The following GPAA1 variants were observed in gnomAD, a reference collection of about 807,000 sequenced individuals.
GPAA1 encodes GPI-anchor transamidase component GPAA1.
In GPAA1, 54 loss-of-function variants were observed where a neutral mutation model predicts 64.0. The observed-to-expected ratio is 0.84, with a 90% confidence interval of 0.68 to 1.06. GPAA1 has a LOEUF of 1.06. GPAA1 is among the 50% of genes least tolerant of loss of function. The pLI is 0.00. For missense variants in GPAA1, 780 were observed against 822.3 expected (o/e 0.95, Z 0.63); for synonymous variants, 393 against 377.3 (o/e 1.04, Z -0.48).
rs180925747 is a variant in GPAA1, at chr8:144,084,448, G to A, written c.849G>A (p.Pro283=). 6.9e-4 allele frequency: 1,119 copies of A among 1,612,638 alleles called. 23 individuals are homozygous for A. In the South Asian group the frequency reaches 9.5e-3, roughly 14 times the overall value. Residue 283 remains proline (P), a synonymous_variant, in exon 7 of 12, where the codon CCG becomes CCA. Transcript: ENST00000355091. ...QPEDWTSLDG[P]LQGLQTLLLM... is the part of the protein sequence containing the mutation. The stretch of plus-strand genomic sequence containing the variant: ...AGGACTGGACATCATTGGATGGACC[G>A]CTGCAGGGCCTGCAGACACTGCTGC...
At position 144,086,204 on chromosome 8, in the gene GPAA1, GT is replaced by G; in HGVS notation, c.*82del. The G allele has an allele frequency of 6.7e-7, 1 of 1,482,364 alleles. No individual in the cohort carries two copies. The highest frequency in any genetic ancestry group is 9.2e-7 in the Non-Finnish European group (1 of 1,085,558). 91.8% of individuals were successfully genotyped at this position (1,482,364 alleles called of 1,614,324 possible). Reference sequence around the variant, plus strand: ...CTTCTGGGGAAATAAATGAGTGTCTGTTTCAGCAGCTATTTGAGCTCCTGGC... The same window carrying G: ...CTTCTGGGGAAATAAATGAGTGTCTGTTCAGCAGCTATTTGAGCTCCTGGC... On this transcript the variant is annotated 3_prime_UTR_variant, in exon 12 of 12. Transcript: ENST00000355091.
Position 144,084,127 on chromosome 8 carries a change from C to G in GPAA1, c.617-7C>G, listed in dbSNP as rs994405110. ...CTCCATTAGCACTCATTCACTTGCT[C>G]CTACAGGCATGCAGTCGTCTCCCCT... On this transcript the variant is annotated splice_polypyrimidine_tract_variant and splice_region_variant and intron_variant, in intron 5 of 11. Transcript: ENST00000355091. The G allele has an allele frequency of 2.5e-6, 4 of 1,613,396 alleles. No homozygotes were observed. The highest frequency in any genetic ancestry group is 4.5e-5 in the East Asian group (2 of 44,890).
Position 144,083,378 on chromosome 8 carries a change from C to G in GPAA1, c.255-11C>G. 1.2e-6 allele frequency: 2 copies of G among 1,612,648 alleles called. No individual in the cohort carries two copies. Among genetic ancestry groups the G allele is most frequent in the Non-Finnish European group, 1.7e-6 (2 of 1,179,092 alleles). ...GGGAGCTCTGCTCAGAGGCTCCCTTCGTGTCTGCAGGGCTCTGCCAGTGGC... is the reference window on the plus strand; with the variant it reads ...GGGAGCTCTGCTCAGAGGCTCCCTTGGTGTCTGCAGGGCTCTGCCAGTGGC... On this transcript the variant is annotated splice_polypyrimidine_tract_variant and intron_variant, in intron 2 of 11. Transcript: ENST00000355091.
chr8:144,082,814 G>C lies in GPAA1; in HGVS notation c.74+10G>C. ...TCAACGCGCCGTTGTGGTGAGGACA[G>C]GGCCCGGGGAGGCGGGGACCCGAGG... On this transcript the variant is annotated intron_variant, in intron 1 of 11. Coordinates refer to ENST00000355091, the MANE Select transcript of GPAA1 (RefSeq NM_003801.4). The C allele has an allele frequency of 7.1e-7, 1 of 1,417,182 alleles. No individual in the cohort carries two copies. Among genetic ancestry groups the C allele is most frequent in the Non-Finnish European group, 9.2e-7 (1 of 1,092,046 alleles). The allele number at this position is 1,417,182 out of a possible 1,614,324, so 87.8% of individuals were successfully genotyped here. A position where few individuals can be genotyped will look rare whatever the true frequency, so the allele number is the denominator to read the frequency against.
chr8:144,084,437 T>G lies in GPAA1; in HGVS notation c.838T>G (p.Leu280Val). 6.2e-7 allele frequency: 1 copy of G among 1,612,734 alleles called. No individual in the cohort carries two copies. Among genetic ancestry groups the G allele is most frequent in the Non-Finnish European group, 8.5e-7 (1 of 1,179,856 alleles). The change falls in exon 7 of 12, where the codon TTG (leucine) becomes GTG (valine). Residue 280 changes from leucine (L) to valine (V), a missense_variant. Transcript: ENST00000355091. Reference sequence around the variant, plus strand: ...GCTGCAGCCCGAGGACTGGACATCATTGGATGGACCGCTGCAGGGCCTGCA... The same window carrying G: ...GCTGCAGCCCGAGGACTGGACATCAGTGGATGGACCGCTGCAGGGCCTGCA... ...GKLQPEDWTS[L>V]DGPLQGLQTL... is the part of the protein sequence containing the mutation.
chr8:144,083,628 C>T lies in GPAA1; in HGVS notation c.367-86C>T, dbSNP rs186055773. 6.6e-5 allele frequency: 97 copies of T among 1,460,220 alleles called. 1 individual carries two copies. The African/African-American group carries it at 1.1e-3, about 17-fold the overall frequency. 90.5% of individuals were successfully genotyped at this position (1,460,220 alleles called of 1,614,324 possible). A position where few individuals can be genotyped will look rare whatever the true frequency, so the allele number is the denominator to read the frequency against. On this transcript the variant is annotated intron_variant, in intron 3 of 11. Coordinates refer to ENST00000355091, the MANE Select transcript of GPAA1 (RefSeq NM_003801.4). ...GTGGGAGGGAAATCCCTGGTGGGCA[C>T]TGGAGGGCTAGGAAAGTTGTGGGGG...
At position 144,083,410 on chromosome 8, in the gene GPAA1, T is replaced by C; in HGVS notation, c.276T>C (p.Leu92=). ...GCAGGGCTCTGCCAGTGGCCTGGCT[T>C]GAACGGACGATGCGGTCAGTAGGGC... ...KKSGALPVAW[L]ERTMRSVGLE... Residue 92 remains leucine (L), a synonymous_variant, in exon 3 of 12, where the codon CTT becomes CTC. Transcript: ENST00000355091. The C allele has an allele frequency of 6.2e-7, 1 of 1,613,766 alleles. No homozygotes were observed. Among genetic ancestry groups the C allele is most frequent in the Non-Finnish European group, 8.5e-7 (1 of 1,179,990 alleles).
Position 144,083,516 on chromosome 8 carries a change from G to A in GPAA1, c.366+16G>A, listed in dbSNP as rs1554763844. The A allele has an allele frequency of 1.3e-6, 2 of 1,585,384 alleles. No individual in the cohort carries two copies. Among genetic ancestry groups the A allele is most frequent in the South Asian group, 2.2e-5 (2 of 90,554 alleles). On this transcript the variant is annotated intron_variant, in intron 3 of 11. Transcript: ENST00000355091. ...CGAGCGCTATGTACTGGGGGAGTGG[G>A]GTGTGCCTGGGCCCAGAAAGCACCT... is the stretch of plus-strand genomic sequence containing the variant.
chr8:144,085,819 TC>T (rs1564305729), intron 11 of GPAA1, 62 bp from the exon 12 acceptor site: 2 of 1,599,880 alleles, frequency 1.3e-6, no homozygotes, highest in South Asian at 1.1e-5. Flanking sequence ...AGTAGCCCTT[TC>T]CCCCAACCTG....
chr8:144,085,241 G>C (rs1161191063), intron 9 of GPAA1, 48 bp from the exon 10 acceptor site: 1 of 1,532,060 alleles, frequency 6.5e-7, no homozygotes, highest in Non-Finnish European at 8.8e-7. Context: ...GGTCTTTGGG[G>C]ATCCCCTGGC....
intron 8 of GPAA1, 46 bp from the exon 9 acceptor site, chr8:144,084,997 G>A (rs1564305129): frequency 6.4e-7 from 1 of 1,572,402 alleles, no homozygotes; most frequent in Non-Finnish European, 8.7e-7. Context: ...GTCCCCCTCT[G>A]GGCAGATCCC....
Position 144,086,093 on chromosome 8 carries a change from C to A in GPAA1, c.1834C>A (p.Leu612Met), listed in dbSNP as rs1554764373. 6.2e-7 allele frequency: 1 copy of A among 1,613,490 alleles called. No individual in the cohort carries two copies. The highest frequency in any genetic ancestry group is 1.3e-5 in the African/African-American group (1 of 74,934). Residue 612 changes from leucine to methionine, a missense_variant, in exon 12 of 12, where the codon CTG (leucine) becomes ATG (methionine). By Grantham distance (15) the Leu-to-Met change is conservative. Coordinates refer to ENST00000355091, the MANE Select transcript of GPAA1 (RefSeq NM_003801.4). The part of the protein sequence containing the change: ...LLSLGLYPCW[L>M]LFWNVLFWK Reference sequence around the variant, plus strand: ...GTCCCTGGGCCTCTACCCCTGCTGGCTGCTTTTCTGGAATGTGCTCTTCTG... The same window carrying A: ...GTCCCTGGGCCTCTACCCCTGCTGGATGCTTTTCTGGAATGTGCTCTTCTG...
chr8:144,084,101 C>T (rs375267400), intron 5 of GPAA1, 33 bp from the exon 6 acceptor site: 40 of 1,610,434 alleles, frequency 2.5e-5, no homozygotes, highest in Non-Finnish European at 2.7e-5. Flanking sequence ...CTCACCACGT[C>T]CTCCATTAGC....
Position 144,084,890 on chromosome 8 carries a change from TTGCC to T in GPAA1, c.1164+16_1164+19del. The T allele has an allele frequency of 6.2e-7, 1 of 1,613,036 alleles. No homozygotes were observed. The stretch of plus-strand genomic sequence containing the variant: ...TTGGTCTCAAGATATCCTCTGCCCC[TTGCC>T]ATCTACCTGTGACCAGCCTCCAGTC... On this transcript the variant is annotated intron_variant, in intron 8 of 11. Transcript: ENST00000355091.
At chr8:144,085,816 C>G in intron 11 of GPAA1, 66 bp from the exon 12 acceptor site, 8 of 1,600,406 alleles carry the variant, frequency 5.0e-6, no homozygotes, top group South Asian at 1.1e-5. Context: ...TTCAGTAGCC[C>G]TTTCCCCCAA....
chr8:144,085,549 G>T (rs1331566241), intron 10 of GPAA1, 24 bp from the exon 11 acceptor site: 1 of 1,609,360 alleles, frequency 6.2e-7, no homozygotes, highest in African/African-American at 1.3e-5. Context: ...CTTGTGGGTT[G>T]CCTCTGAGTC....
Position 144,085,638 on chromosome 8 carries a change from T to C in GPAA1, c.1517T>C (p.Leu506Pro). 6.2e-7 allele frequency: 1 copy of C among 1,613,674 alleles called. No homozygotes were observed. The highest frequency in any genetic ancestry group is 8.5e-7 in the Non-Finnish European group (1 of 1,179,770). ...CTGAAGCTGGTAGCCCTGATCTACC[T>C]AGCACTGCAGCTGGGCTGCATCGCC... ...MALKLVALIY[L>P]ALQLGCIALT... The change falls in exon 11 of 12, where the codon CTA becomes CCA. Residue 506 changes from leucine (L) to proline (P), a missense_variant. Transcript: ENST00000355091.
Position 144,082,797 on chromosome 8 carries a change from C to A in GPAA1, c.67C>A (p.Pro23Thr). 1.4e-6 allele frequency: 2 copies of A among 1,464,964 alleles called. No individual in the cohort carries two copies. 90.7% of individuals were successfully genotyped at this position (1,464,964 alleles called of 1,614,324 possible). Residue 23 changes from proline to threonine, a missense_variant, in exon 1 of 12, where the codon CCG (proline) becomes ACG (threonine). Coordinates refer to ENST00000355091, the MANE Select transcript of GPAA1 (RefSeq NM_003801.4). ...LARLVLRLNA[P>T]LCVLSYVAGI... Reference sequence around the variant, plus strand: ...CCGCCTAGTGCTGCGCCTCAACGCGCCGTTGTGGTGAGGACAGGGCCCGGG... The same window carrying A: ...CCGCCTAGTGCTGCGCCTCAACGCGACGTTGTGGTGAGGACAGGGCCCGGG...
At chr8:144,084,677 G>A in intron 7 of GPAA1, 45 bp from the exon 8 acceptor site, 2 of 1,609,610 alleles carry the variant, frequency 1.2e-6, no homozygotes, top group Non-Finnish European at 8.5e-7. Flanking sequence ...GTGGGGGATG[G>A]CCTGGTGGCT....
Sources: allele counts gnomAD v4.1 joint callset, GRCh38; gene constraint gnomAD v4.1.1; transcripts MANE v1.5; gene names NCBI Gene and HGNC (gene_info 2026-07-23, HGNC 2026-07-21).